The following DCTN1 variants were observed in gnomAD, a reference collection of about 807,000 sequenced individuals.
DCTN1 encodes 150 kDa dynein-associated polypeptide.
DCTN1 carries 61 observed loss-of-function variants against 161.2 expected under a neutral mutation model. The ratio of observed to expected loss-of-function variants is 0.38; its 90% CI spans 0.31 to 0.47. The LOEUF (loss-of-function observed/expected upper bound fraction) is 0.47. Among genes scored for constraint, DCTN1 ranks in the 20% least tolerant of loss-of-function variants. The pLI is 0.99. For synonymous variants in DCTN1, 653 were observed against 632.4 expected, an observed-to-expected ratio of 1.03 and a Z score of -0.49; for missense variants, 1,404 against 1,623.7, an observed-to-expected ratio of 0.86 and a Z score of 2.33.
chr2:74,369,435 C>T lies in DCTN1; in HGVS notation c.1449G>A (p.Leu483=). 1 of 1,614,190 alleles carries T rather than the reference C, an allele frequency of 6.2e-7. No individual in the cohort carries two copies. Residue 483 remains leucine (L), a synonymous_variant, in exon 14 of 32, where the codon CTG becomes CTA. Transcript: ENST00000628224. This position sits in a 1 kb window ranked among gnomAD's most constrained non-coding sequence, Gnocchi z 4.9. ...ELQENARETE[L]ELREQLDMAG... is the part of the protein sequence containing the mutation. ...CCATGTCCAGCTGCTCCCGCAGCTC[C>T]AGTTCTGTCTCACGTGCATTCTCCT... is the stretch of plus-strand genomic sequence containing the variant.
At position 74,367,435 on chromosome 2, in the gene DCTN1, C is replaced by CA; in HGVS notation, c.2185-16dup. The CA allele has an allele frequency of 6.2e-7, 1 of 1,614,006 alleles. No individual in the cohort carries two copies. Among genetic ancestry groups the CA allele is most frequent in the South Asian group, 1.1e-5 (1 of 91,046 alleles). On this transcript the variant is annotated splice_polypyrimidine_tract_variant and intron_variant, in intron 18 of 31. Transcript: ENST00000628224. Reference sequence around the variant, plus strand: ...CTGTACAGATGCTGAGGAGAGATAACAGACAGACAACTTTTAGGCCCTGGA... The same window carrying CA: ...CTGTACAGATGCTGAGGAGAGATAACAAGACAGACAACTTTTAGGCCCTGGA...
intron 7 of DCTN1, 124 bp downstream of exon 7, chr2:74,372,804 G>T (rs539935080): frequency 1.9e-6 from 2 of 1,047,542 alleles, no homozygotes; most frequent in East Asian, 2.4e-5. Context: ...CCTTTCCTCT[G>T]AAGAGAACCC....
At position 74,361,317 on chromosome 2, in the gene DCTN1, G is replaced by C. The variant is rs776222478; in HGVS notation, c.*182C>G. ...AAATTATGGCAGAGGCCAGGGAATG[G>C]GAGTGGGGGAACCCGGGTCAAGGTG... On this transcript the variant is annotated 3_prime_UTR_variant, in exon 32 of 32. Coordinates refer to ENST00000628224, the MANE Select transcript of DCTN1 (RefSeq NM_004082.5). The C allele has an allele frequency of 1.1e-5, 9 of 840,594 alleles. No individual in the cohort carries two copies. Among genetic ancestry groups the C allele is most frequent in the South Asian group, 1.0e-4 (7 of 69,550 alleles). 52.1% of individuals were successfully genotyped at this position (840,594 alleles called of 1,614,324 possible).
chr2:74,368,757 G>A lies in DCTN1; in HGVS notation c.1825C>T (p.Leu609=). Reference sequence around the variant, plus strand: ...CAAATGAGACGAGGCATGAGCAACAGCACCAGAACGCAGTCATGGTCCCCA... The same window carrying A: ...CAAATGAGACGAGGCATGAGCAACAACACCAGAACGCAGTCATGGTCCCCA... ...PGGDHDCVLV[L]LLMPRLICKA... Residue 609 remains leucine, a synonymous_variant, in exon 16 of 32, where the codon CTG becomes TTG. Coordinates refer to ENST00000628224, the MANE Select transcript of DCTN1 (RefSeq NM_004082.5). The A allele has an allele frequency of 1.2e-6, 2 of 1,614,266 alleles. No individual in the cohort carries two copies. Among genetic ancestry groups the A allele is most frequent in the South Asian group, 1.1e-5 (1 of 91,088 alleles).
chr2:74,377,582 T>A, intron 3 of DCTN1, 66 bp downstream of exon 3: 1 of 1,526,952 alleles, frequency 6.5e-7, no homozygotes, highest in South Asian at 1.1e-5. Flanking sequence ...GGCCCCATGT[T>A]ATGAGGAGAA....
chr2:74,363,655 G>A, intron 26 of DCTN1, 27 bp from the exon 27 acceptor site: 1 of 1,613,328 alleles, frequency 6.2e-7, no homozygotes, highest in Non-Finnish European at 8.5e-7. Context: ...CCATGGGGGA[G>A]CAGGAAAAGA....
At chr2:74,377,891 CA>C (rs1675316333) in intron 2 of DCTN1, 108 bp downstream of exon 2, 1 of 1,531,910 alleles carries the variant, frequency 6.5e-7, no homozygotes, top group Non-Finnish European at 9.0e-7. Context: ...TCCACTCTCC[CA>C]ACCAGAGGCT....
upstream of DCTN1, among the ~76,000 whole-genome samples, chr2:74,383,207 A>G (rs1385896940): frequency 1.3e-5 from 2 of 152,282 alleles, no homozygotes; most frequent in Admixed American, 1.3e-4. Flanking sequence ...GCGAATAGTA[A>G]AGAACCCTAG....
chr2:74,367,812 G>T lies in DCTN1; in HGVS notation c.2068C>A (p.Pro690Thr), dbSNP rs749226119. 6.2e-7 allele frequency: 1 copy of T among 1,614,134 alleles called. No homozygotes were observed. Among genetic ancestry groups the T allele is most frequent in the South Asian group, 1.1e-5 (1 of 91,082 alleles). Reference protein sequence around the residue: ...DVYKKVGSLYPEMSAHERSLD... With the variant: ...DVYKKVGSLYTEMSAHERSLD... ...GAGCGCTCATGGGCACTCATCTCAG[G>T]GTACAGGCTGCCCACTTTCTTATAC... Residue 690 changes from proline (P) to threonine (T), a missense_variant, in exon 18 of 32, where the codon CCT becomes ACT. This residue lies in a region of DCTN1 where 475 missense variants were observed against 489.8 expected (regional missense o/e 0.97). Coordinates refer to ENST00000628224, the MANE Select transcript of DCTN1 (RefSeq NM_004082.5).
In DCTN1 at chr2:74,380,249, T is replaced by C; in HGVS notation, c.-212A>G. ...GGGCTGAGGAGCAAGTCCCCTCTGC[T>C]GCCTGAGGATTCCTGAACCCAGAGA... On this transcript the variant is annotated 5_prime_UTR_variant, in exon 1 of 32. Transcript: ENST00000628224. The C allele has an allele frequency of 1.6e-6, 1 of 638,926 alleles. No homozygotes were observed. Among genetic ancestry groups the C allele is most frequent in the Non-Finnish European group, 2.8e-6 (1 of 351,572 alleles). 39.6% of individuals were successfully genotyped at this position (638,926 alleles called of 1,614,324 possible).
chr2:74,365,392 A>C, intron 25 of DCTN1, 123 bp downstream of exon 25: 2 of 1,557,514 alleles, frequency 1.3e-6, no homozygotes, highest in Non-Finnish European at 1.8e-6. Context: ...TGGGGTTGGC[A>C]GTGGGTAAAG....
intron 28 of DCTN1, 40 bp from the exon 29 acceptor site, chr2:74,363,217 G>C (rs1357357934): frequency 1.9e-6 from 3 of 1,613,850 alleles, no homozygotes; most frequent in Admixed American, 3.3e-5. Context: ...AGAGGTGCTA[G>C]GAGGCCCCTG....
chr2:74,364,628 C>T (rs1674264220), intron 26 of DCTN1: 1 of 278,342 alleles, frequency 3.6e-6, no homozygotes, highest in Non-Finnish European at 7.0e-6. Flanking sequence ...GAAGATATGA[C>T]CACATCATAA....
chr2:74,371,761 A>C (rs780819663), intron 7 of DCTN1, 33 bp from the exon 8 acceptor site: 34 of 1,566,738 alleles, frequency 2.2e-5, no homozygotes, highest in South Asian at 4.6e-5. Flanking sequence ...GACCAGAAAG[A>C]AAGCAGAGGA....
Position 74,370,850 on chromosome 2 carries a change from G to C in DCTN1, c.844-25C>G, listed in dbSNP as rs770854446. 18 of 1,614,066 alleles carry C rather than the reference G, an allele frequency of 1.1e-5. No homozygotes were observed. The highest frequency in any genetic ancestry group is 2.7e-5 in the African/African-American group (2 of 75,042). Reference sequence around the variant, plus strand: ...CCTGAGGAAGAAGTGGAGGTGGGAGGGGGTACCAGCACAGAGATGCCCCAG... The same window carrying C: ...CCTGAGGAAGAAGTGGAGGTGGGAGCGGGTACCAGCACAGAGATGCCCCAG... On this transcript the variant is annotated intron_variant, in intron 9 of 31. Coordinates refer to ENST00000628224, the MANE Select transcript of DCTN1 (RefSeq NM_004082.5). This position sits in a 1 kb window ranked among gnomAD's most constrained non-coding sequence, Gnocchi z 4.4.
intron 16 of DCTN1, 125 bp downstream of exon 16, chr2:74,368,603 G>T: frequency 7.6e-7 from 1 of 1,321,746 alleles, no homozygotes; most frequent in Non-Finnish European, 1.1e-6. Flanking sequence ...ACTTTGCTGT[G>T]TTCCTCCACT....
At chr2:74,365,348 C>T in intron 25 of DCTN1, 107 bp from the exon 26 acceptor site, 3 of 1,560,226 alleles carry the variant, frequency 1.9e-6, no homozygotes, top group Non-Finnish European at 2.6e-6. Flanking sequence ...GAAGCCAGGG[C>T]AGAGCAGCAC....
At chr2:74,380,599 CA>C (rs1289694774), upstream of DCTN1, 1 of 471,236 alleles carries the variant, frequency 2.1e-6, no homozygotes, top group African/African-American at 2.0e-5. Flanking sequence ...TCCACACAGC[CA>C]AAATAAGGGT....
At chr2:74,384,098 G>A (rs1675625711), upstream of DCTN1, among the ~76,000 whole-genome samples, 1 of 152,160 alleles carries the variant, frequency 6.6e-6, no homozygotes, top group Admixed American at 6.5e-5. Context: ...GAAAAAAATG[G>A]GAGGAGAAAC....
Sources: gnomAD v4.1 joint callset for allele counts (sites outside exome capture counted in the v4.1 genomes callset) on GRCh38, gnomAD v4.1.1 for gene constraint, gnomAD v4.1.1 regional missense constraint, Gnocchi (gnomAD v3.1) non-coding constraint, MANE v1.5 for transcripts, NCBI Gene and HGNC (gene_info 2026-07-23, HGNC 2026-07-21) for gene names.